RBFOX1: variants seen among roughly 807,000 people sequenced by gnomAD.
The protein encoded by RBFOX1 is RNA binding protein fox-1 homolog 1.
A neutral mutation model predicts 57.7 loss-of-function variants in RBFOX1; 8 were observed. That is an observed-to-expected ratio of 0.14 (90% CI 0.08 to 0.25). The LOEUF is 0.25. Ranked by LOEUF, RBFOX1 falls within the 10% of genes least tolerant of loss-of-function variation. The probability of loss-of-function intolerance (pLI) is 1.00; values close to 1 mark genes in which losing one functional copy is unlikely to be tolerated. For missense variants in RBFOX1, 611 were observed against 548.5 expected (o/e 1.11, Z -1.14); for synonymous variants, 326 against 222.4 (o/e 1.47, Z -4.15).
intron 13 of RBFOX1, among the ~76,000 whole-genome samples, chr16:7,665,775 C>G (rs930318148): frequency 5.9e-5 from 9 of 151,996 alleles, no homozygotes; most frequent in Admixed American, 5.2e-4. Context: ...TACAAAAGAC[C>G]TCAGTCAATG....
At chr16:5,685,810 A>C (rs2050487245) in intron 3 of RBFOX1, among the ~76,000 whole-genome samples, 1 of 152,224 alleles carries the variant, frequency 6.6e-6, no homozygotes, top group South Asian at 2.1e-4. Flanking sequence ...ACAGATCTGA[A>C]GATGTATGCT....
At chr16:6,173,384 C>G (rs1272292887) in intron 1 of RBFOX1, among the ~76,000 whole-genome samples, 1 of 152,134 alleles carries the variant, frequency 6.6e-6, no homozygotes, top group Non-Finnish European at 1.5e-5. Context: ...TGGGTGAGAC[C>G]TTGGTTAGTG....
intron 2 of RBFOX1, among the ~76,000 whole-genome samples, chr16:6,431,338 A>G (rs374394902): frequency 1.3e-5 from 2 of 151,916 alleles, no homozygotes; most frequent in South Asian, 4.2e-4. Context: ...AGGCAGGTGG[A>G]TGGCAACAGA....
intron 2 of RBFOX1, among the ~76,000 whole-genome samples, chr16:6,428,400 T>C (rs966629113): frequency 2.0e-5 from 3 of 151,774 alleles, no homozygotes; most frequent in African/African-American, 7.3e-5. Context: ...ATAAAAGCAG[T>C]ATTTACTGGG....
chr16:7,304,506 C>T (rs1159958606), intron 4 of RBFOX1: 3 of 985,282 alleles, frequency 3.0e-6, no homozygotes, highest in Non-Finnish European at 3.6e-6. Flanking sequence ...CGTCTGCCCT[C>T]GGTGGCTGCT....
chr16:7,240,284 G>C (rs28703179), intron 4 of RBFOX1, among the ~76,000 whole-genome samples: 48,694 of 151,854 alleles, frequency 0.32, 8,294 homozygotes, highest in Middle Eastern at 0.49. Context: ...TAAGATTTAA[G>C]GATAATAATA....
chr16:5,864,080 T>A (rs951141723), intron 3 of RBFOX1, among the ~76,000 whole-genome samples: 5 of 152,134 alleles, frequency 3.3e-5, no homozygotes, highest in African/African-American at 7.2e-5. Context: ...GAAGGCCCCA[T>A]TGTGTATTGT....
At chr16:6,744,585 T>TAAATA (rs1486162960) in intron 3 of RBFOX1, among the ~76,000 whole-genome samples, 1 of 152,036 alleles carries the variant, frequency 6.6e-6, no homozygotes, top group Non-Finnish European at 1.5e-5. Flanking sequence ...CACACTTTAA[T>TAAATA]AAATAACCTG....
At chr16:6,586,321 A>T (rs1211624980) in intron 2 of RBFOX1, among the ~76,000 whole-genome samples, 1 of 152,224 alleles carries the variant, frequency 6.6e-6, no homozygotes, top group African/African-American at 2.4e-5. Context: ...CAGAAGAAAC[A>T]TTCATTCCTA....
intron 3 of RBFOX1, among the ~76,000 whole-genome samples, chr16:6,893,619 A>C: frequency 6.6e-6 from 1 of 152,208 alleles, no homozygotes; most frequent in Middle Eastern, 3.2e-3. Context: ...TAAGGAGAAA[A>C]GGAGAACAAA....
intron 2 of RBFOX1, among the ~76,000 whole-genome samples, chr16:6,543,515 C>T (rs17277180): frequency 7.2e-5 from 11 of 152,232 alleles, no homozygotes; most frequent in East Asian, 1.9e-4. Flanking sequence ...GAGATCTTTC[C>T]GCCTGCATTT....
chr16:5,547,294 A>G (rs973717940), intron 2 of RBFOX1, among the ~76,000 whole-genome samples: 1 of 152,202 alleles, frequency 6.6e-6, no homozygotes, highest in African/African-American at 2.4e-5. Context: ...CAAACAACAC[A>G]CATGTGCATG....
chr16:6,665,560 G>T (rs936234330), intron 3 of RBFOX1, among the ~76,000 whole-genome samples: 1 of 151,354 alleles, frequency 6.6e-6, no homozygotes, highest in African/African-American at 2.4e-5. Flanking sequence ...GGGAGGCGGT[G>T]ATTGCAGTGA....
At chr16:5,887,721 T>C (rs1415730052) in intron 4 of RBFOX1, among the ~76,000 whole-genome samples, 2 of 152,112 alleles carry the variant, frequency 1.3e-5, no homozygotes, top group Admixed American at 6.5e-5. Context: ...TCCTGTTTTT[T>C]ACAGAAGTGA....
At chr16:5,292,714 C>T (rs984058512) in intron 1 of RBFOX1, among the ~76,000 whole-genome samples, 2 of 152,058 alleles carry the variant, frequency 1.3e-5, no homozygotes, top group African/African-American at 4.8e-5. Flanking sequence ...ACCTCTGCCT[C>T]ACTGGTTCAA....
At chr16:7,109,842 G>C (rs965084796) in intron 4 of RBFOX1, among the ~76,000 whole-genome samples, 2 of 152,122 alleles carry the variant, frequency 1.3e-5, no homozygotes, top group Non-Finnish European at 2.9e-5. Context: ...TACGTGATGA[G>C]GTGAGGTGCT....
At chr16:5,681,701 T>A (rs2050344999) in intron 3 of RBFOX1, among the ~76,000 whole-genome samples, 1 of 152,084 alleles carries the variant, frequency 6.6e-6, no homozygotes, top group Non-Finnish European at 1.5e-5. Flanking sequence ...CCGGTAAGAT[T>A]TTATCTGAGA....
intron 1 of RBFOX1, among the ~76,000 whole-genome samples, chr16:5,371,556 T>G (rs985093359): frequency 6.6e-6 from 1 of 152,262 alleles, no homozygotes; most frequent in African/African-American, 2.4e-5. Flanking sequence ...CCTAGCAGAC[T>G]GCTGTATCTA....
At chr16:7,620,818 T>C in intron 10 of RBFOX1, among the ~76,000 whole-genome samples, 2 of 152,202 alleles carry the variant, frequency 1.3e-5, no homozygotes, top group South Asian at 4.2e-4. Flanking sequence ...TATAGTTCAG[T>C]TTTATTATAC....
Sources: gnomAD v4.1 joint callset for allele counts (sites outside exome capture counted in the v4.1 genomes callset) on GRCh38, gnomAD v4.1.1 for gene constraint, MANE v1.5 for transcripts, NCBI Gene and HGNC (gene_info 2026-07-23, HGNC 2026-07-21) for gene names.